Variants in FGF18 observed in about 807,000 individuals in gnomAD.
FGF18 encodes the protein fibroblast growth factor 18.
Under a neutral mutation model 23.0 loss-of-function variants are expected in FGF18, and 5 were observed. That is an observed-to-expected ratio of 0.22 (90% CI 0.11 to 0.46). The LOEUF (loss-of-function observed/expected upper bound fraction) is 0.46, where lower values mean the gene tolerates loss of function less well. Among genes scored for constraint, FGF18 ranks in the 20% least tolerant of loss-of-function variants. FGF18 has a pLI of 0.99. For missense variants in FGF18, 180 were observed against 291.6 expected (o/e 0.62, Z 2.79); for synonymous variants, 117 against 118.9 (o/e 0.98, Z 0.10).
At chr5:171,455,538 C>T (rs372963326) in intron 4 of FGF18, among the ~76,000 whole-genome samples, 178 of 152,296 alleles carry the variant, frequency 1.2e-3, no homozygotes, top group African/African-American at 4.0e-3. Flanking sequence ...GAGCTTCAGA[C>T]GTGGCTGGAT....
rs769653588 is a variant in FGF18 at position 171,443,161 on chromosome 5, G to A, written c.251-5986G>A. 7.4e-5 allele frequency among the ~76,000 whole-genome samples: 11 copies of A among 149,124 alleles called. No homozygotes were observed. The East Asian group carries it at 7.8e-4, about 11-fold the overall frequency. On this transcript the variant is annotated intron_variant, in intron 3 of 4. Transcript: ENST00000274625. ...TTTTTTTTTTTTTAGATGGAGTCTC[G>A]CCCTATAGCCCAGGCTGGAGTGCAG...
chr5:171,423,299 A>G (rs997822372), intron 2 of FGF18, among the ~76,000 whole-genome samples: 7 of 152,178 alleles, frequency 4.6e-5, no homozygotes, highest in Non-Finnish European at 1.0e-4. Context: ...AGATAGCTCA[A>G]ATTGGAAGAA....
intron 3 of FGF18, among the ~76,000 whole-genome samples, chr5:171,448,244 A>G (rs903129475): frequency 1.3e-5 from 2 of 152,174 alleles, no homozygotes; most frequent in Admixed American, 6.5e-5. Flanking sequence ...CCTGGGGGGA[A>G]TCCCAGTGGG....
At chr5:171,423,510 G>T (rs900785172) in intron 2 of FGF18, among the ~76,000 whole-genome samples, 3 of 152,174 alleles carry the variant, frequency 2.0e-5, no homozygotes, top group African/African-American at 7.2e-5. Flanking sequence ...GGCTCGGCGG[G>T]GTGGGGGGGC....
At position 171,440,874 on chromosome 5, in the gene FGF18, T is replaced by A. The variant is rs1229115903; in HGVS notation, c.250+4601T>A. On this transcript the variant is annotated intron_variant, in intron 3 of 4. Coordinates refer to ENST00000274625, the MANE Select transcript of FGF18 (RefSeq NM_003862.3). This position sits in a 1 kb window ranked among gnomAD's most constrained non-coding sequence, Gnocchi z 4.0. ...TGTCCCAACAAGGGTCCTGCTGCGG[T>A]GGAACCATCTGTTGACGTGGCTGGT... Among the ~76,000 whole-genome samples the A allele has an allele frequency of 6.6e-6, 1 of 152,162 alleles. No individual in the cohort carries two copies. The highest frequency in any genetic ancestry group is 2.4e-5 in the African/African-American group (1 of 41,450).
chr5:171,430,817 G>GAAAAAAAAAAAAA (rs1772171715), intron 2 of FGF18, among the ~76,000 whole-genome samples: 2 of 98,546 alleles, frequency 2.0e-5, no homozygotes, highest in African/African-American at 3.2e-5. Flanking sequence ...AAAAAAAAAA[G>GAAAAAAAAAAAAA]AAAAAAGAGT....
At chr5:171,454,711 G>A (rs1033538729) in intron 4 of FGF18, among the ~76,000 whole-genome samples, 5 of 152,360 alleles carry the variant, frequency 3.3e-5, no homozygotes, top group South Asian at 2.1e-4. Flanking sequence ...GCTGGAACTC[G>A]CACCTCAGTC....
In FGF18 at chr5:171,451,896, G is replaced by T. The variant is rs1396422894; in HGVS notation, c.357+2643G>T. Among the ~76,000 whole-genome samples, 1 of 152,090 alleles carries T rather than the reference G, an allele frequency of 6.6e-6. No individual in the cohort carries two copies. Among genetic ancestry groups the T allele is most frequent in the African/African-American group, 2.4e-5 (1 of 41,416 alleles). On this transcript the variant is annotated intron_variant, in intron 4 of 4. Transcript: ENST00000274625. This position sits in a 1 kb window ranked among gnomAD's most constrained non-coding sequence, Gnocchi z 4.5. ...CCTCTGTCAGCCCACCCACCCCGGA[G>T]CCCCACAGTCCCTCGCACAGCCCTC...
intron 2 of FGF18, among the ~76,000 whole-genome samples, chr5:171,430,804 AAAAAAAAAAAAAG>A (rs1772170827): frequency 7.1e-6 from 1 of 141,010 alleles, no homozygotes; most frequent in South Asian, 2.6e-4. Flanking sequence ...CAAAAAAAAA[AAAAAAAAAAAAAG>A]AAAAAAGAGT....
chr5:171,422,351 T>G (rs904467974), intron 2 of FGF18, among the ~76,000 whole-genome samples: 7 of 152,132 alleles, frequency 4.6e-5, no homozygotes, highest in Non-Finnish European at 7.4e-5. Context: ...ACCTTCCCCC[T>G]TGTCCCCACC....
At chr5:171,455,336 C>T (rs1023035186) in intron 4 of FGF18, among the ~76,000 whole-genome samples, 7 of 152,286 alleles carry the variant, frequency 4.6e-5, no homozygotes, top group African/African-American at 1.7e-4. Flanking sequence ...TAAAATGCAC[C>T]ACATCCCACA....
chr5:171,456,822 C>A lies in FGF18; in HGVS notation c.*17C>A. 2 of 1,596,234 alleles carry A rather than the reference C, an allele frequency of 1.3e-6. No individual in the cohort carries two copies. Among genetic ancestry groups the A allele is most frequent in the Non-Finnish European group, 8.5e-7 (1 of 1,169,730 alleles). On this transcript the variant is annotated 3_prime_UTR_variant, in exon 5 of 5. Transcript: ENST00000274625. This position sits in a 1 kb window ranked among gnomAD's most constrained non-coding sequence, Gnocchi z 6.1. The stretch of plus-strand genomic sequence containing the variant: ...CCTGCCTAGGCCACCCCGCCGCGGC[C>A]CCTCAGGTCGCCCTGGCCACACTCA...
At chr5:171,450,274 C>T (rs1772479115) in intron 4 of FGF18, among the ~76,000 whole-genome samples, 1 of 152,076 alleles carries the variant, frequency 6.6e-6, no homozygotes, top group Non-Finnish European at 1.5e-5. Context: ...AAGTCTTATC[C>T]CTCTCCCTTT....
Position 171,429,143 on chromosome 5 carries a change from C to G in FGF18, c.70-6950C>G, listed in dbSNP as rs1772141646. ...GGGTTGAGGAGGTGGGGGCACCCAT[C>G]AGAGCCACACTCAGATTCAGGGTGG... On this transcript the variant is annotated intron_variant, in intron 2 of 4. Transcript: ENST00000274625. Among the ~76,000 whole-genome samples the G allele has an allele frequency of 2.0e-5, 3 of 152,198 alleles. No homozygotes were observed. The South Asian group carries it at 6.2e-4, about 32-fold the overall frequency.
rs1026223356 is a variant in FGF18 at position 171,440,733 on chromosome 5, C to G, written c.250+4460C>G. Among the ~76,000 whole-genome samples the G allele has an allele frequency of 6.6e-6, 1 of 152,152 alleles. No individual in the cohort carries two copies. Among genetic ancestry groups the G allele is most frequent in the Non-Finnish European group, 1.5e-5 (1 of 68,024 alleles). ...TGGTACTTTGCAGCTTCCTCCAGCT[C>G]AGGCATGGGGTTAGTCTGTGATTCC... On this transcript the variant is annotated intron_variant, in intron 3 of 4. Transcript: ENST00000274625. The surrounding 1 kb of genome is among the most constrained non-coding windows in gnomAD (Gnocchi z 4.0).
At chr5:171,443,327 C>T (rs1031882359) in intron 3 of FGF18, among the ~76,000 whole-genome samples, 4 of 152,008 alleles carry the variant, frequency 2.6e-5, no homozygotes, top group African/African-American at 9.7e-5. Flanking sequence ...GACAGGGTTT[C>T]ACCACGTCGG....
intron 2 of FGF18, among the ~76,000 whole-genome samples, chr5:171,430,511 G>A (rs1314522379): frequency 3.3e-5 from 5 of 151,256 alleles, no homozygotes; most frequent in African/African-American, 4.9e-5. Flanking sequence ...AAAGAGGGCC[G>A]GGCGCGGTGG....
Position 171,420,126 on chromosome 5 carries a change from G to T in FGF18, c.-74G>T, listed in dbSNP as rs1383575598. ...GGCGGCGGCGGCGGCGGCGGCGGAG[G>T]CGCCCGGTCCCGGCCGCGCGGAGCG... On this transcript the variant is annotated 5_prime_UTR_variant, in exon 1 of 5. Transcript: ENST00000274625. 1.3e-5 allele frequency: 16 copies of T among 1,264,894 alleles called. No individual in the cohort carries two copies. The highest frequency in any genetic ancestry group is 1.4e-5 in the Non-Finnish European group (14 of 999,782). 78.4% of individuals were successfully genotyped at this position (1,264,894 alleles called of 1,614,324 possible). A position where few individuals can be genotyped will look rare whatever the true frequency, so the allele number is the denominator to read the frequency against.
rs865864671 is a variant in FGF18, at chr5:171,434,351, G to A, written c.70-1742G>A. Among the ~76,000 whole-genome samples, 2 of 152,184 alleles carry A rather than the reference G, an allele frequency of 1.3e-5. No homozygotes were observed. The highest frequency in any genetic ancestry group is 2.4e-5 in the African/African-American group (1 of 41,436). ...ATACCTGTGGGCCCAGTCCAGGATC[G>A]GGAGATACATGCAGGTCAGCTTGGG... On this transcript the variant is annotated intron_variant, in intron 2 of 4. Transcript: ENST00000274625. This position sits in a 1 kb window ranked among gnomAD's most constrained non-coding sequence, Gnocchi z 4.6.
Sources: gnomAD v4.1 joint callset for allele counts (sites outside exome capture counted in the v4.1 genomes callset) on GRCh38, gnomAD v4.1.1 for gene constraint, Gnocchi (gnomAD v3.1) non-coding constraint, MANE v1.5 for transcripts, NCBI Gene and HGNC (gene_info 2026-07-23, HGNC 2026-07-21) for gene names.